FAM110B: variants seen among roughly 807,000 people sequenced by gnomAD.
FAM110B encodes protein FAM110B.
Under a neutral mutation model 20.4 loss-of-function variants are expected in FAM110B, and 6 were observed. That is an observed-to-expected ratio of 0.29 (90% CI 0.16 to 0.58). The LOEUF (loss-of-function observed/expected upper bound fraction) is 0.58, where lower values mean the gene tolerates loss of function less well. FAM110B is among the 20% of genes least tolerant of loss of function. FAM110B has a pLI of 0.90. For synonymous variants in FAM110B, 226 were observed against 214.1 expected (o/e 1.06, Z -0.49); for missense variants, 434 against 498.2 (o/e 0.87, Z 1.23).
intron 2 of FAM110B, among the ~76,000 whole-genome samples, chr8:58,037,668 G>C (rs1805110972): frequency 6.6e-6 from 1 of 152,056 alleles, no homozygotes. Context: ...GATTTAGGTT[G>C]CATACATCAG....
At chr8:58,034,049 T>C (rs1203887222) in intron 2 of FAM110B, among the ~76,000 whole-genome samples, 2 of 152,126 alleles carry the variant, frequency 1.3e-5, no homozygotes, top group Admixed American at 1.3e-4. Flanking sequence ...CAGTCCCTCC[T>C]GAAACAGGCC....
intron 3 of FAM110B, among the ~76,000 whole-genome samples, chr8:58,104,752 T>C (rs529458502): frequency 6.6e-6 from 1 of 152,186 alleles, no homozygotes; most frequent in Admixed American, 6.5e-5. Context: ...ACAGGTACAT[T>C]GCTTCAAGTA....
intron 3 of FAM110B, among the ~76,000 whole-genome samples, chr8:58,129,169 C>T (rs1807588617): frequency 6.6e-6 from 1 of 152,132 alleles, no homozygotes; most frequent in South Asian, 2.1e-4. Context: ...AGTTCGATCC[C>T]CTCTAGGCTA....
chr8:58,027,501 T>C lies in FAM110B; in HGVS notation c.-511-4105T>C, dbSNP rs377180383. On this transcript the variant is annotated intron_variant, in intron 1 of 3. Transcript: ENST00000519262. ...TACTGATTTTAAGTGTATGGTTTAATGTATTTTCGCAAATATGGCAGTTAT... is the reference window on the plus strand; with the variant it reads ...TACTGATTTTAAGTGTATGGTTTAACGTATTTTCGCAAATATGGCAGTTAT... Among the ~76,000 whole-genome samples, 23 of 152,300 alleles carry C rather than the reference T, an allele frequency of 1.5e-4. 2 individuals are homozygous for C. The East Asian group carries it at 2.3e-3, about 15-fold the overall frequency.
intron 2 of FAM110B, among the ~76,000 whole-genome samples, chr8:58,037,821 C>A (rs182652489): frequency 1.1e-3 from 169 of 152,148 alleles, no homozygotes; most frequent in African/African-American, 3.9e-3. Flanking sequence ...GGAAAACAGC[C>A]GTTACTTTTC....
intron 3 of FAM110B, among the ~76,000 whole-genome samples, chr8:58,138,280 G>A (rs1353881884): frequency 2.0e-5 from 3 of 152,226 alleles, no homozygotes; most frequent in Admixed American, 6.5e-5. Flanking sequence ...AGGGCTTTGG[G>A]CAGACATTGT....
intron 3 of FAM110B, among the ~76,000 whole-genome samples, chr8:58,115,869 G>C (rs1441706848): frequency 6.6e-6 from 1 of 152,210 alleles, no homozygotes; most frequent in African/African-American, 2.4e-5. Context: ...AGCAGAGGTA[G>C]AATAGCATAG....
intron 2 of FAM110B, among the ~76,000 whole-genome samples, chr8:58,057,303 G>T (rs1805566712): frequency 6.6e-6 from 1 of 152,156 alleles, no homozygotes; most frequent in Admixed American, 6.5e-5. Flanking sequence ...AAAAGTGCTG[G>T]GCTTGTTGAT....
At chr8:58,000,081 T>A (rs535649907) in intron 1 of FAM110B, among the ~76,000 whole-genome samples, 15 of 152,338 alleles carry the variant, frequency 9.8e-5, no homozygotes, top group African/African-American at 3.6e-4. Flanking sequence ...GTATTTATTT[T>A]AAAAATTCTT....
intron 3 of FAM110B, among the ~76,000 whole-genome samples, chr8:58,117,447 T>C (rs1807242209): frequency 6.6e-6 from 1 of 152,208 alleles, no homozygotes; most frequent in Non-Finnish European, 1.5e-5. Context: ...GGGGAGGCTT[T>C]AACCTCTCAG....
At chr8:58,058,131 TCTC>T (rs1416518777) in intron 2 of FAM110B, among the ~76,000 whole-genome samples, 2 of 152,264 alleles carry the variant, frequency 1.3e-5, no homozygotes, top group Non-Finnish European at 2.9e-5. Flanking sequence ...TTTCACCTTC[TCTC>T]CTCTTTTGAA....
intron 1 of FAM110B, among the ~76,000 whole-genome samples, chr8:58,027,831 G>C (rs55930039): frequency 6.6e-6 from 1 of 151,908 alleles, no homozygotes; most frequent in Non-Finnish European, 1.5e-5. Context: ...ACAAATTGTT[G>C]ATCCATTCAC....
At chr8:58,116,863 G>A (rs1429453935) in intron 3 of FAM110B, among the ~76,000 whole-genome samples, 1 of 152,150 alleles carries the variant, frequency 6.6e-6, no homozygotes, top group Non-Finnish European at 1.5e-5. Flanking sequence ...AATTCTTGAG[G>A]CTGGAGAACA....
At chr8:58,139,207 T>C (rs1297094865) in intron 3 of FAM110B, among the ~76,000 whole-genome samples, 1 of 152,248 alleles carries the variant, frequency 6.6e-6, no homozygotes, top group Non-Finnish European at 1.5e-5. Flanking sequence ...AGGAAAAGTC[T>C]GTGGTTTTAA....
chr8:58,111,182 TC>T (rs1286458544), intron 3 of FAM110B, among the ~76,000 whole-genome samples: 3 of 152,210 alleles, frequency 2.0e-5, no homozygotes, highest in African/African-American at 7.2e-5. Context: ...AAAGCAAACT[TC>T]CAAATACACA....
At chr8:58,137,451 C>T (rs1020719867) in intron 3 of FAM110B, among the ~76,000 whole-genome samples, 3 of 152,130 alleles carry the variant, frequency 2.0e-5, no homozygotes, top group Non-Finnish European at 2.9e-5. Flanking sequence ...ATCCCAGCTA[C>T]TCAGAAGGCT....
At chr8:58,026,598 T>G (rs1386061031) in intron 1 of FAM110B, among the ~76,000 whole-genome samples, 1 of 152,112 alleles carries the variant, frequency 6.6e-6, no homozygotes, top group Non-Finnish European at 1.5e-5. Context: ...TGTGTGAAAG[T>G]CCCGTGACCA....
rs547860054 is a variant in FAM110B at position 58,089,510 on chromosome 8, C to T, written c.-325+13887C>T. 3.3e-5 allele frequency among the ~76,000 whole-genome samples: 5 copies of T among 152,294 alleles called. No individual in the cohort carries two copies. In the South Asian group the frequency reaches 8.3e-4, roughly 25 times the overall value. On this transcript the variant is annotated intron_variant, in intron 3 of 3. Coordinates refer to ENST00000519262, the MANE Select transcript of FAM110B (RefSeq NM_001377989.1). ...CTTTTTCCCTCCCTTGTCACTTCTT[C>T]CCTATTAGCAGACATCATTTTACTT...
In FAM110B at chr8:57,997,053, A is replaced by T. The variant is rs563191341; in HGVS notation, c.-512+2247A>T. Among the ~76,000 whole-genome samples, 4 of 152,302 alleles carry T rather than the reference A, an allele frequency of 2.6e-5. No individual in the cohort carries two copies. The South Asian group carries it at 6.2e-4, about 24-fold the overall frequency. On this transcript the variant is annotated intron_variant, in intron 1 of 3. Coordinates refer to ENST00000519262, the MANE Select transcript of FAM110B (RefSeq NM_001377989.1). ...CCCTTTAACTTTGAAGTGACTTTTT[A>T]AAAAATCGTGATTCCTAAATAACTT...
Sources: gnomAD v4.1 joint callset for allele counts (sites outside exome capture counted in the v4.1 genomes callset) on GRCh38, gnomAD v4.1.1 for gene constraint, MANE v1.5 for transcripts, NCBI Gene and HGNC (gene_info 2026-07-23, HGNC 2026-07-21) for gene names.